ABAT: variants seen among roughly 807,000 people sequenced by gnomAD.
ABAT encodes the protein 4-aminobutyrate aminotransferase.
ABAT carries 45 observed loss-of-function variants against 64.6 expected under a neutral mutation model. The ratio of observed to expected loss-of-function variants is 0.70; its 90% CI spans 0.55 to 0.89. The LOEUF is 0.89. ABAT is among the 40% of genes least tolerant of loss of function. The pLI is 0.00. For synonymous variants in ABAT, 297 were observed against 250.5 expected, an observed-to-expected ratio of 1.19 and a Z score of -1.75; for missense variants, 633 against 658.4, an observed-to-expected ratio of 0.96 and a Z score of 0.42.
chr16:8,684,047 G>C (rs1730939), intron 1 of ABAT, among the ~76,000 whole-genome samples: 84,509 of 151,868 alleles, frequency 0.56, 23,914 homozygotes, highest in East Asian at 0.77. Flanking sequence ...TGCGGAAACA[G>C]GCCCCAAAAC....
At chr16:8,684,542 A>G (rs2057408732) in intron 1 of ABAT, among the ~76,000 whole-genome samples, 2 of 151,948 alleles carry the variant, frequency 1.3e-5, no homozygotes, top group South Asian at 4.2e-4. Flanking sequence ...ACCCCTCAAG[A>G]CCCCTTCTCT....
rs1002092179 is a variant in ABAT at position 8,781,383 on chromosome 16, C to T, written c.1456C>T (p.His486Tyr). 4.3e-6 allele frequency: 7 copies of T among 1,614,114 alleles called. No homozygotes were observed. The African/African-American group carries it at 6.7e-5, about 15-fold the overall frequency. The change falls in exon 16 of 16, where the codon CAC becomes TAC. Residue 486 changes from histidine to tyrosine, a missense_variant. His to Tyr is a moderately conservative substitution (Grantham distance 83). Coordinates refer to ENST00000268251, the MANE Select transcript of ABAT (RefSeq NM_020686.6). The surrounding 1 kb of genome is among the most constrained non-coding windows in gnomAD (Gnocchi z 4.5). The part of the protein sequence containing the change: ...PTLVFRDHHA[H>Y]LFLNIFSDIL... ...GCTGGTCTTCAGGGATCACCACGCT[C>T]ACCTGTTCCTCAATATTTTCAGTGA... is the stretch of plus-strand genomic sequence containing the variant.
chr16:8,696,095 T>C (rs974220572), intron 1 of ABAT, among the ~76,000 whole-genome samples: 1 of 152,202 alleles, frequency 6.6e-6, no homozygotes, highest in African/African-American at 2.4e-5. Flanking sequence ...TATTGAAGAT[T>C]GCAGCCATAG....
intron 5 of ABAT, among the ~76,000 whole-genome samples, chr16:8,754,566 C>T (rs1211145003): frequency 6.6e-6 from 1 of 152,164 alleles, no homozygotes; most frequent in African/African-American, 2.4e-5. Flanking sequence ...GCTCGTTTTG[C>T]ACAAACTCCA....
chr16:8,732,523 A>T (rs2058758565), intron 1 of ABAT, among the ~76,000 whole-genome samples: 1 of 151,548 alleles, frequency 6.6e-6, no homozygotes, highest in Non-Finnish European at 1.5e-5. Flanking sequence ...TGTTTCAGAG[A>T]GCACGGGGTT....
At chr16:8,695,763 G>A (rs1273488967) in intron 1 of ABAT, among the ~76,000 whole-genome samples, 1 of 152,194 alleles carries the variant, frequency 6.6e-6, no homozygotes, top group African/African-American at 2.4e-5. Flanking sequence ...CATAGCACTC[G>A]AAGTCAGTAG....
At chr16:8,750,610 A>T in intron 5 of ABAT, 71 bp downstream of exon 5, 1 of 1,427,940 alleles carries the variant, frequency 7.0e-7, no homozygotes, top group South Asian at 1.1e-5. Flanking sequence ...CTATCCAGGT[A>T]TTAGGATGTG....
chr16:8,733,559 C>A (rs550136673), intron 1 of ABAT, among the ~76,000 whole-genome samples: 2 of 151,904 alleles, frequency 1.3e-5, no homozygotes, highest in Non-Finnish European at 2.9e-5. Flanking sequence ...ACTGAGTGAA[C>A]GAGACTCCGT....
intron 1 of ABAT, chr16:8,720,763 A>C (rs1334912830): frequency 6.6e-6 from 1 of 152,260 alleles, no homozygotes; most frequent in Non-Finnish European, 1.5e-5. Context: ...GGGGCTGCAG[A>C]CGGGAAAGGA....
intron 1 of ABAT, among the ~76,000 whole-genome samples, chr16:8,728,257 T>A (rs537054149): frequency 5.6e-4 from 85 of 152,324 alleles, no homozygotes; most frequent in African/African-American, 1.9e-3. Flanking sequence ...GATTTTGTTA[T>A]AAGGTCAATT....
rs527746674 is a variant in ABAT, at chr16:8,756,326, A to G, written c.317-1431A>G. 3.3e-5 allele frequency among the ~76,000 whole-genome samples: 5 copies of G among 152,322 alleles called. No individual in the cohort carries two copies. The East Asian group carries it at 5.8e-4, about 18-fold the overall frequency. ...CAAAAAGCCCTAGAAGATTACAACAATCTTGCTTGAGTTTAACATAACTAC... is the reference window on the plus strand; with the variant it reads ...CAAAAAGCCCTAGAAGATTACAACAGTCTTGCTTGAGTTTAACATAACTAC... On this transcript the variant is annotated intron_variant, in intron 5 of 15. Coordinates refer to ENST00000268251, the MANE Select transcript of ABAT (RefSeq NM_020686.6).
rs569547454 is a variant in ABAT, at chr16:8,709,704, G to A, written c.-41-25995G>A. 9.9e-5 allele frequency among the ~76,000 whole-genome samples: 15 copies of A among 152,184 alleles called. No individual in the cohort carries two copies. The South Asian group carries it at 3.1e-3, about 32-fold the overall frequency. ...TTATTTTCAATAGTACAGGTCTAAA[G>A]ACATGATATAGAAAGTAGGAATGGT... On this transcript the variant is annotated intron_variant, in intron 1 of 15. Transcript: ENST00000268251.
At chr16:8,741,085 G>C (rs977490874) in intron 2 of ABAT, among the ~76,000 whole-genome samples, 15 of 152,392 alleles carry the variant, frequency 9.8e-5, no homozygotes, top group African/African-American at 2.9e-4. Context: ...CTCTGGCTTG[G>C]CATGGCCATT....
At chr16:8,728,483 G>GA (rs2058622820) in intron 1 of ABAT, among the ~76,000 whole-genome samples, 1 of 152,112 alleles carries the variant, frequency 6.6e-6, no homozygotes, top group African/African-American at 2.4e-5. Context: ...GGAAAGACAT[G>GA]AACTGCACTT....
At chr16:8,739,964 T>A (rs1448535948) in intron 2 of ABAT, among the ~76,000 whole-genome samples, 2 of 151,642 alleles carry the variant, frequency 1.3e-5, no homozygotes, top group East Asian at 3.9e-4. Flanking sequence ...AAACACAGTG[T>A]TGGCAAAGAT....
intron 1 of ABAT, among the ~76,000 whole-genome samples, chr16:8,722,387 C>T (rs940370937): frequency 3.3e-5 from 5 of 152,204 alleles, no homozygotes; most frequent in Admixed American, 6.5e-5. Context: ...TCAGCTGATC[C>T]ATCTGCCTCG....
At chr16:8,754,873 C>A (rs998064624) in intron 5 of ABAT, among the ~76,000 whole-genome samples, 1 of 151,972 alleles carries the variant, frequency 6.6e-6, no homozygotes, top group Non-Finnish European at 1.5e-5. Flanking sequence ...CACCTGCCAC[C>A]ACGCTGGGCT....
rs772526517 is a variant in ABAT, at chr16:8,779,496, C to G, written c.1287C>G (p.Phe429Leu). The G allele has an allele frequency of 2.5e-6, 4 of 1,614,050 alleles. No individual in the cohort carries two copies. The highest frequency in any genetic ancestry group is 1.3e-5 in the African/African-American group (1 of 74,932). Residue 429 changes from phenylalanine to leucine, a missense_variant, in exon 15 of 16, where the codon TTC becomes TTG. Phe to Leu is a conservative substitution (Grantham distance 22). Transcript: ENST00000268251. ...CACTACAGGCCCGGTACCCCCAGTT[C>G]ATCAGCAGGGTGAGAGGACGAGGCA... ...LLDLQARYPQ[F>L]ISRVRGRGTF...
chr16:8,725,634 G>A (rs1218286778), intron 1 of ABAT, among the ~76,000 whole-genome samples: 1 of 152,082 alleles, frequency 6.6e-6, no homozygotes, highest in Non-Finnish European at 1.5e-5. Flanking sequence ...TCGACATCTG[G>A]GCTTTTTCTA....
Sources: allele counts gnomAD v4.1 joint callset (sites outside exome capture counted in the v4.1 genomes callset), GRCh38; gene constraint gnomAD v4.1.1; non-coding constraint Gnocchi (gnomAD v3.1); transcripts MANE v1.5; gene names NCBI Gene and HGNC (gene_info 2026-07-23, HGNC 2026-07-21).